JMJD1C: variants seen among roughly 807,000 people sequenced by gnomAD.
JMJD1C encodes the protein jumonji domain-containing protein 1C.
A neutral mutation model predicts 245.3 loss-of-function variants in JMJD1C; 31 were observed. The ratio of observed to expected loss-of-function variants is 0.13; its 90% CI spans 0.09 to 0.17. JMJD1C has a LOEUF of 0.17. Ranked by LOEUF, JMJD1C falls within the 10% of genes least tolerant of loss-of-function variation. JMJD1C has a pLI of 1.00. For synonymous variants in JMJD1C, 1,057 were observed against 1,017.4 expected (o/e 1.04, Z -0.74); for missense variants, 2,691 against 3,000.2 (o/e 0.90, Z 2.41).
At chr10:63,343,279 T>C (rs570636012) in intron 2 of JMJD1C, among the ~76,000 whole-genome samples, 2 of 152,000 alleles carry the variant, frequency 1.3e-5, no homozygotes, top group South Asian at 2.1e-4. Flanking sequence ...GGCAGGAGAA[T>C]TGCTTGAGCC....
At chr10:63,191,163 ATTCT>A in intron 16 of JMJD1C, 55 bp from the exon 17 acceptor site, 1 of 1,437,114 alleles carries the variant, frequency 7.0e-7, no homozygotes, top group Non-Finnish European at 9.8e-7. Context: ...ACGGAGTCTC[ATTCT>A]GTCGCCCAGG....
chr10:63,448,336 T>C (rs1951830681), intron 1 of JMJD1C, among the ~76,000 whole-genome samples: 1 of 152,014 alleles, frequency 6.6e-6, no homozygotes, highest in East Asian at 1.9e-4. Flanking sequence ...TTTGTATTTT[T>C]AATAGAGGCG....
At chr10:63,327,650 G>A (rs1355997751) in intron 2 of JMJD1C, among the ~76,000 whole-genome samples, 1 of 150,052 alleles carries the variant, frequency 6.7e-6, no homozygotes, top group African/African-American at 2.5e-5. Context: ...TAAGGATACT[G>A]TATCAAGGGT....
intron 2 of JMJD1C, among the ~76,000 whole-genome samples, chr10:63,370,750 A>G (rs1295097762): frequency 6.6e-6 from 1 of 152,270 alleles, no homozygotes; most frequent in Non-Finnish European, 1.5e-5. Flanking sequence ...ATGCTGCAAT[A>G]GCAAAACACA....
At chr10:63,492,304 T>C (rs908266807) in intron 1 of JMJD1C, among the ~76,000 whole-genome samples, 2 of 152,216 alleles carry the variant, frequency 1.3e-5, no homozygotes, top group African/African-American at 2.4e-5. Flanking sequence ...TTCCTTCTGA[T>C]ATGAACAAAG....
Position 63,198,608 on chromosome 10 carries a change from A to C in JMJD1C, c.5396T>G (p.Ile1799Arg). The C allele has an allele frequency of 1.9e-6, 3 of 1,606,764 alleles. No individual in the cohort carries two copies. Among genetic ancestry groups the C allele is most frequent in the Non-Finnish European group, 2.6e-6 (3 of 1,173,862 alleles). The change falls in exon 12 of 26, where the codon ATA becomes AGA. Residue 1799 changes from isoleucine to arginine, a missense_variant. This residue lies in a region of JMJD1C where 139 missense variants were observed against 270.5 expected (regional missense o/e 0.51). Transcript: ENST00000399262. ...ATCCAAGATATATTTAGAAGTCTCT[A>C]TATCTAGTTCATCATCTTCAAAATT... Reference protein sequence around the residue: ...HENFEDDELDIETSKYILDII... With the variant: ...HENFEDDELDRETSKYILDII...
chr10:63,271,572 ATAGAGTT>A (rs1856302658), intron 2 of JMJD1C, among the ~76,000 whole-genome samples: 1 of 151,914 alleles, frequency 6.6e-6, no homozygotes, highest in East Asian at 1.9e-4. Context: ...TTTTTTTGAG[ATAGAGTT>A]TCGCTCATGT....
chr10:63,233,665 T>C (rs1850282679), intron 3 of JMJD1C, among the ~76,000 whole-genome samples: 1 of 151,302 alleles, frequency 6.6e-6, no homozygotes, highest in Non-Finnish European at 1.5e-5. Context: ...CATAAAAACA[T>C]TCCTTTTACT....
intron 1 of JMJD1C, chr10:63,489,424 AATAAT>A (rs1954099809): frequency 1.3e-5 from 2 of 152,490 alleles, no homozygotes; most frequent in South Asian, 4.1e-4. Flanking sequence ...TAAATAAATA[AATAAT>A]ATGAGTATAA....
chr10:63,243,103 T>TTATATATATATATATATA (rs10607355), intron 3 of JMJD1C, among the ~76,000 whole-genome samples: 2,572 of 119,368 alleles, frequency 0.022, 47 homozygotes, highest in African/African-American at 0.039. Context: ...CTAACATAAA[T>TTATATATATATATATATA]TATATATATA....
chr10:63,232,521 T>G (rs1052966499), intron 3 of JMJD1C, among the ~76,000 whole-genome samples: 1 of 152,174 alleles, frequency 6.6e-6, no homozygotes, highest in Non-Finnish European at 1.5e-5. Context: ...TTAACTGTTA[T>G]GAAGGAAAAA....
intron 1 of JMJD1C, among the ~76,000 whole-genome samples, chr10:63,447,278 T>G (rs1394163062): frequency 1.3e-5 from 2 of 152,204 alleles, no homozygotes; most frequent in Non-Finnish European, 2.9e-5. Context: ...CTCAATTCAG[T>G]TCTTCTCCAT....
At chr10:63,224,857 T>C (rs571453842) in intron 3 of JMJD1C, among the ~76,000 whole-genome samples, 16 of 151,366 alleles carry the variant, frequency 1.1e-4, no homozygotes, top group Non-Finnish European at 2.2e-4. Flanking sequence ...AGGTCAGGAG[T>C]TCGAGACCAT....
chr10:63,468,612 ATAAC>A (rs1272734089), upstream of JMJD1C, among the ~76,000 whole-genome samples: 2 of 152,216 alleles, frequency 1.3e-5, no homozygotes, highest in African/African-American at 2.4e-5. Context: ...ATTACTTAAA[ATAAC>A]TAAGTTTACT....
chr10:63,222,401 A>G, intron 3 of JMJD1C: 1 of 955,892 alleles, frequency 1.0e-6, no homozygotes, highest in Non-Finnish European at 1.7e-6. Flanking sequence ...AAGATGTGGT[A>G]AATTTGAAAA....
chr10:63,419,720 T>C (rs144585918), intron 1 of JMJD1C, among the ~76,000 whole-genome samples: 175 of 151,848 alleles, frequency 1.2e-3, no homozygotes, highest in African/African-American at 4.2e-3. Context: ...CAGTCCAGCT[T>C]TGAGTAATCA....
At chr10:63,340,307 C>T (rs1429896481) in intron 2 of JMJD1C, among the ~76,000 whole-genome samples, 1 of 152,242 alleles carries the variant, frequency 6.6e-6, no homozygotes, top group East Asian at 1.9e-4. Context: ...TTACCCCACA[C>T]ATGTGTGCAC....
chr10:63,398,712 C>T (rs567431138), intron 1 of JMJD1C, among the ~76,000 whole-genome samples: 10 of 151,880 alleles, frequency 6.6e-5, no homozygotes, highest in Non-Finnish European at 1.2e-4. Flanking sequence ...GGCGCAATCT[C>T]GGCTCACTGC....
At chr10:63,394,774 G>A (rs1160031046) in intron 1 of JMJD1C, among the ~76,000 whole-genome samples, 2 of 151,748 alleles carry the variant, frequency 1.3e-5, no homozygotes, top group East Asian at 1.9e-4. Flanking sequence ...AACCTGGGAG[G>A]TGGAGGTTGC....
Sources: allele counts gnomAD v4.1 joint callset (sites outside exome capture counted in the v4.1 genomes callset), GRCh38; gene constraint gnomAD v4.1.1; regional missense constraint gnomAD v4.1.1; transcripts MANE v1.5; gene names NCBI Gene and HGNC (gene_info 2026-07-23, HGNC 2026-07-21).